The following SEPTIN9 variants were observed in gnomAD, a reference collection of about 807,000 sequenced individuals.
The protein encoded by SEPTIN9 is septin-9.
Under a neutral mutation model 56.6 loss-of-function variants are expected in SEPTIN9, and 13 were observed. The observed-to-expected ratio is 0.23, with a 90% CI of 0.15 to 0.37. The LOEUF is 0.37. SEPTIN9 is among the 10% of genes least tolerant of loss of function. The pLI is 1.00. For synonymous variants in SEPTIN9, 332 were observed against 334.1 expected, an observed-to-expected ratio of 0.99 and a Z score of 0.07; for missense variants, 650 against 823.1, an observed-to-expected ratio of 0.79 and a Z score of 2.57.
At chr17:77,430,907 C>T (rs574671203) in intron 3 of SEPTIN9, among the ~76,000 whole-genome samples, 30 of 151,976 alleles carry the variant, frequency 2.0e-4, no homozygotes, top group African/African-American at 6.8e-4. Flanking sequence ...AGGAGAATCT[C>T]TTGAACCCGG....
chr17:77,365,751 G>C (rs1309061124), intron 2 of SEPTIN9, among the ~76,000 whole-genome samples: 2 of 152,334 alleles, frequency 1.3e-5, no homozygotes, highest in East Asian at 3.9e-4. Context: ...GATGGGCAGA[G>C]GCATTGTTAG....
intron 3 of SEPTIN9, among the ~76,000 whole-genome samples, chr17:77,419,297 G>GA (rs1333862044): frequency 6.6e-6 from 1 of 152,204 alleles, no homozygotes; most frequent in Non-Finnish European, 1.5e-5. Flanking sequence ...GGAGCTGAGG[G>GA]AGGCGCTTTC....
At chr17:77,431,830 C>CAAAAA (rs61461406) in intron 3 of SEPTIN9, among the ~76,000 whole-genome samples, 14 of 55,250 alleles carry the variant, frequency 2.5e-4, no homozygotes, top group Non-Finnish European at 5.3e-4. Flanking sequence ...AATGCTGTCT[C>CAAAAA]AAAAAAAAAA....
chr17:77,493,086 G>T lies in SEPTIN9; in HGVS notation c.1573+10G>T, dbSNP rs143783047. Reference sequence around the variant, plus strand: ...TGGGGTACCATCGAAGGTACTCGCCGCAGGCGCCGGGGCTCCAGACAGATG... The same window carrying T: ...TGGGGTACCATCGAAGGTACTCGCCTCAGGCGCCGGGGCTCCAGACAGATG... On this transcript the variant is annotated intron_variant, in intron 10 of 11. Coordinates refer to ENST00000427177, the MANE Select transcript of SEPTIN9 (RefSeq NM_001113491.2). The T allele has an allele frequency of 6.5e-7, 1 of 1,545,042 alleles. No homozygotes were observed. Among genetic ancestry groups the T allele is most frequent in the Non-Finnish European group, 8.8e-7 (1 of 1,141,198 alleles).
intron 1 of SEPTIN9, among the ~76,000 whole-genome samples, chr17:77,305,510 A>G (rs572712512): frequency 6.6e-6 from 1 of 152,136 alleles, no homozygotes; most frequent in East Asian, 1.9e-4. Flanking sequence ...TGGTTACTCC[A>G]GGAGTCACGA....
rs2039987221 is a variant in SEPTIN9, at chr17:77,490,684, G to A, written c.1263-58G>A. The A allele has an allele frequency of 3.8e-6, 5 of 1,322,858 alleles. 1 individual carries two copies. Among genetic ancestry groups the A allele is most frequent in the Non-Finnish European group, 5.3e-6 (5 of 939,702 alleles). The allele number at this position is 1,322,858 out of a possible 1,614,324, so 81.9% of individuals were successfully genotyped here. ...AGTGTCGACACCTGCTTGGGGGTGG[G>A]TGCCCCCCCACTGCCCCGCTCCCCC... On this transcript the variant is annotated intron_variant, in intron 7 of 11. Transcript: ENST00000427177.
At chr17:77,351,108 C>T (rs572777928) in intron 2 of SEPTIN9, among the ~76,000 whole-genome samples, 6 of 151,920 alleles carry the variant, frequency 3.9e-5, no homozygotes, top group East Asian at 1.9e-4. Context: ...CATGTGTACA[C>T]AGATCTCATT....
At chr17:77,320,034 C>T (rs1323917514) in intron 2 of SEPTIN9, 3 of 1,369,482 alleles carry the variant, frequency 2.2e-6, no homozygotes, top group Non-Finnish European at 2.8e-6. Context: ...GCCCTCTCTC[C>T]TGCCTCCTAT....
intron 3 of SEPTIN9, among the ~76,000 whole-genome samples, chr17:77,465,205 C>T (rs374318201): frequency 7.9e-5 from 12 of 152,292 alleles, no homozygotes; most frequent in African/African-American, 1.7e-4. Flanking sequence ...AATATTCCAT[C>T]GTGGATAGAC....
chr17:77,455,675 G>A (rs528572489), intron 3 of SEPTIN9, among the ~76,000 whole-genome samples: 21 of 152,234 alleles, frequency 1.4e-4, no homozygotes, highest in South Asian at 4.1e-4. Context: ...TGATGGTGCC[G>A]TCTCTCTCTC....
chr17:77,338,936 G>A (rs968980053), intron 2 of SEPTIN9, among the ~76,000 whole-genome samples: 5 of 152,096 alleles, frequency 3.3e-5, no homozygotes, highest in Admixed American at 1.3e-4. Context: ...CAGCATCTTC[G>A]CCTGGAGTAG....
chr17:77,417,652 G>T (rs2036550492), intron 3 of SEPTIN9, among the ~76,000 whole-genome samples: 1 of 152,194 alleles, frequency 6.6e-6, no homozygotes, highest in African/African-American at 2.4e-5. Context: ...CTTTATACCA[G>T]ACAAGGGCCG....
At chr17:77,470,285 C>G (rs1197992064) in intron 3 of SEPTIN9, among the ~76,000 whole-genome samples, 1 of 151,188 alleles carries the variant, frequency 6.6e-6, no homozygotes, top group African/African-American at 2.4e-5. Flanking sequence ...CACTTATCCA[C>G]CCATCTACTC....
intron 2 of SEPTIN9, among the ~76,000 whole-genome samples, chr17:77,393,761 T>G (rs1203928372): frequency 6.6e-6 from 1 of 152,068 alleles, no homozygotes; most frequent in Non-Finnish European, 1.5e-5. Flanking sequence ...TATTTTTGTA[T>G]TTTTAGTAGA....
At chr17:77,401,673 G>A (rs1217986718) in intron 2 of SEPTIN9, among the ~76,000 whole-genome samples, 1 of 151,822 alleles carries the variant, frequency 6.6e-6, no homozygotes, top group East Asian at 1.9e-4. Context: ...TTGAACCCGG[G>A]AGGTGCCGCT....
intron 2 of SEPTIN9, among the ~76,000 whole-genome samples, chr17:77,351,087 A>G (rs1013557937): frequency 1.3e-5 from 2 of 151,424 alleles, no homozygotes; most frequent in Non-Finnish European, 2.9e-5. Flanking sequence ...TGTGCTGTGT[A>G]TGCACTTGCA....
rs1478047193 is a variant in SEPTIN9 at position 77,319,714 on chromosome 17, G to A, written c.76+12517G>A. 5 of 1,067,352 alleles carry A rather than the reference G, an allele frequency of 4.7e-6. No homozygotes were observed. Among genetic ancestry groups the A allele is most frequent in the Non-Finnish European group, 5.7e-6 (5 of 880,442 alleles). 66.1% of individuals were successfully genotyped at this position (1,067,352 alleles called of 1,614,324 possible). ...AAGGCGAGGCAGGCACGCAGGAACT[G>A]GGCTTTTTAAACCCTTAAGCCCAAG... On this transcript the variant is annotated intron_variant, in intron 2 of 11. Coordinates refer to ENST00000427177, the MANE Select transcript of SEPTIN9 (RefSeq NM_001113491.2). This position sits in a 1 kb window ranked among gnomAD's most constrained non-coding sequence, Gnocchi z 5.3.
chr17:77,406,340 C>T (rs773033647), intron 3 of SEPTIN9, among the ~76,000 whole-genome samples: 1 of 152,192 alleles, frequency 6.6e-6, no homozygotes, highest in South Asian at 2.1e-4. Flanking sequence ...CTCTTTACAT[C>T]ACTGCCTTGG....
chr17:77,491,656 A>G (rs1235318919), intron 8 of SEPTIN9, among the ~76,000 whole-genome samples: 1 of 151,660 alleles, frequency 6.6e-6, no homozygotes, highest in Non-Finnish European at 1.5e-5. Context: ...ATACAAAAAT[A>G]TTAGTCGGGC....
Sources: gnomAD v4.1 joint callset for allele counts (sites outside exome capture counted in the v4.1 genomes callset) on GRCh38, gnomAD v4.1.1 for gene constraint, Gnocchi (gnomAD v3.1) non-coding constraint, MANE v1.5 for transcripts, NCBI Gene and HGNC (gene_info 2026-07-23, HGNC 2026-07-21) for gene names.